PCSK5: variants seen among roughly 807,000 people sequenced by gnomAD.
The protein encoded by PCSK5 is proprotein convertase subtilisin/kexin type 5.
PCSK5 carries 129 observed loss-of-function variants against 233.2 expected under a neutral mutation model. The ratio of observed to expected loss-of-function variants is 0.55; its 90% CI spans 0.48 to 0.64. The LOEUF is 0.64. PCSK5 is among the 30% of genes least tolerant of loss of function. The pLI, the probability that PCSK5 is intolerant of heterozygous loss-of-function variation, is 0.00. For missense variants in PCSK5, 2,076 were observed against 2,430.1 expected, an observed-to-expected ratio of 0.85 and a Z score of 3.06; for synonymous variants, 825 against 879.2, an observed-to-expected ratio of 0.94 and a Z score of 1.09.
At chr9:75,968,961 C>T (rs1225417416) in intron 2 of PCSK5, among the ~76,000 whole-genome samples, 1 of 141,906 alleles carries the variant, frequency 7.0e-6, no homozygotes, top group Non-Finnish European at 1.5e-5. Context: ...CATTTGTGTT[C>T]ACTGGAATTG....
intron 5 of PCSK5, among the ~76,000 whole-genome samples, chr9:76,059,590 C>T (rs1347418623): frequency 6.6e-6 from 1 of 152,092 alleles, no homozygotes; most frequent in African/African-American, 2.4e-5. Context: ...GGCCAGTTTT[C>T]CCAGCACCAT....
intron 24 of PCSK5, among the ~76,000 whole-genome samples, chr9:76,290,531 C>A (rs1157108765): frequency 6.6e-6 from 1 of 152,202 alleles, no homozygotes; most frequent in Non-Finnish European, 1.5e-5. Context: ...GGCTCTTGTT[C>A]AACTCTTCCA....
At chr9:76,224,260 T>A (rs1231039646) in intron 20 of PCSK5, among the ~76,000 whole-genome samples, 2 of 152,104 alleles carry the variant, frequency 1.3e-5, no homozygotes, top group African/African-American at 2.4e-5. Context: ...GAGGAAGAGA[T>A]TAAACACAGA....
chr9:76,039,147 C>T (rs573156780), intron 5 of PCSK5, among the ~76,000 whole-genome samples: 2 of 152,302 alleles, frequency 1.3e-5, no homozygotes, highest in South Asian at 4.1e-4. Context: ...ACTGTTTTTA[C>T]ATCAGTTCAT....
intron 9 of PCSK5, among the ~76,000 whole-genome samples, chr9:76,129,669 C>T (rs1822676686): frequency 6.6e-6 from 1 of 152,030 alleles, no homozygotes; most frequent in African/African-American, 2.4e-5. Flanking sequence ...TTCTAGCACT[C>T]ACACATGAAT....
chr9:76,179,627 C>A lies in PCSK5; in HGVS notation c.1932C>A (p.Gly644=). The A allele has an allele frequency of 6.2e-7, 1 of 1,613,762 alleles. No individual in the cohort carries two copies. The highest frequency in any genetic ancestry group is 8.5e-7 in the Non-Finnish European group (1 of 1,179,700). Residue 644 remains glycine (G), a synonymous_variant, in exon 15 of 38, where the codon GGC becomes GGA. Coordinates refer to ENST00000674117, the MANE Select transcript of PCSK5 (RefSeq NM_001372043.1). ...GCGACCCTGAGTGCAGTGAGGTTGG[C>A]TGTGACGGGCCAGGACCAGACCACT... is the stretch of plus-strand genomic sequence containing the variant. ...GPCDPECSEV[G]CDGPGPDHCN... is the part of the protein sequence containing the mutation.
upstream of PCSK5, among the ~76,000 whole-genome samples, chr9:75,890,111 T>A (rs141231686): frequency 6.6e-6 from 1 of 152,284 alleles, no homozygotes; most frequent in African/African-American, 2.4e-5. Flanking sequence ...ATTTCGAAAG[T>A]GAGCAGGCAA....
At position 76,208,594 on chromosome 9, in the gene PCSK5, C is replaced by T. The variant is rs542890289; in HGVS notation, c.2626+18848C>T. Among the ~76,000 whole-genome samples, 5 of 152,272 alleles carry T rather than the reference C, an allele frequency of 3.3e-5. No individual in the cohort carries two copies. In the South Asian group the frequency reaches 1.0e-3, roughly 32 times the overall value. On this transcript the variant is annotated intron_variant, in intron 20 of 37. Coordinates refer to ENST00000674117, the MANE Select transcript of PCSK5 (RefSeq NM_001372043.1). ...TTTTAGAGCCTCCCATTACAGTGAG[C>T]CATCATCTCCCTTGAACCTCTGTCA... is the stretch of plus-strand genomic sequence containing the variant.
intron 3 of PCSK5, among the ~76,000 whole-genome samples, chr9:76,002,152 A>T (rs902276529): frequency 6.6e-6 from 1 of 152,194 alleles, no homozygotes; most frequent in Admixed American, 6.5e-5. Context: ...GATAACAAGT[A>T]TGAAAAGGTT....
intron 15 of PCSK5, among the ~76,000 whole-genome samples, chr9:76,180,077 G>A (rs62556624): frequency 0.27 from 24,349 of 89,454 alleles, 2,246 homozygotes; most frequent in East Asian, 0.45. Context: ...ATATATATAT[G>A]TGTGTGTGTG....
intron 5 of PCSK5, among the ~76,000 whole-genome samples, chr9:76,031,836 T>C (rs369035857): frequency 3.3e-5 from 5 of 152,356 alleles, no homozygotes; most frequent in Non-Finnish European, 7.4e-5. Flanking sequence ...GATAAATAAC[T>C]AGTTAAAAAT....
At chr9:76,254,972 G>C (rs1319229283) in intron 24 of PCSK5, among the ~76,000 whole-genome samples, 1 of 152,176 alleles carries the variant, frequency 6.6e-6, no homozygotes, top group Admixed American at 6.5e-5. Flanking sequence ...TCTGGAGTGA[G>C]GTGTGGGCAT....
At chr9:75,892,117 C>T (rs977455879) in intron 1 of PCSK5, among the ~76,000 whole-genome samples, 5 of 152,056 alleles carry the variant, frequency 3.3e-5, no homozygotes, top group African/African-American at 1.2e-4. Context: ...TACCCCGGGA[C>T]GGAAGGTGCC....
intron 1 of PCSK5, among the ~76,000 whole-genome samples, chr9:75,918,463 T>C (rs1390750118): frequency 6.6e-6 from 1 of 152,230 alleles, no homozygotes; most frequent in African/African-American, 2.4e-5. Context: ...GGGCCACACT[T>C]TGAGAGCCAC....
chr9:76,157,432 A>C (rs1341228022), intron 11 of PCSK5, among the ~76,000 whole-genome samples: 1 of 149,312 alleles, frequency 6.7e-6, no homozygotes, highest in Non-Finnish European at 1.5e-5. Flanking sequence ...TCTACTGTCG[A>C]TATTTCTATT....
intron 22 of PCSK5, among the ~76,000 whole-genome samples, chr9:76,236,427 C>A (rs928526653): frequency 6.6e-6 from 1 of 152,198 alleles, no homozygotes; most frequent in Admixed American, 6.5e-5. Context: ...CCCATTTGAA[C>A]TCTTGTCGCC....
Position 76,163,515 on chromosome 9 carries a change from C to T in PCSK5, c.1619+4344C>T, listed in dbSNP as rs764287311. Among the ~76,000 whole-genome samples the T allele has an allele frequency of 7.2e-5, 11 of 152,176 alleles. No individual in the cohort carries two copies. In the South Asian group the frequency reaches 1.2e-3, roughly 17 times the overall value. ...CGTGGATCATTCAGTGGGTGTGTGC[C>T]GTGGGTCAATGGAGAAGTCCTAGAA... On this transcript the variant is annotated intron_variant, in intron 12 of 37. Transcript: ENST00000674117.
intron 1 of PCSK5, among the ~76,000 whole-genome samples, chr9:75,926,124 T>C (rs1823477456): frequency 6.6e-6 from 1 of 152,192 alleles, no homozygotes; most frequent in African/African-American, 2.4e-5. Context: ...AATTCTTTCA[T>C]TTCCCCATTC....
At chr9:75,946,559 C>G (rs1824577145) in intron 2 of PCSK5, among the ~76,000 whole-genome samples, 2 of 151,750 alleles carry the variant, frequency 1.3e-5, no homozygotes, top group Middle Eastern at 3.4e-3. Context: ...TCTTTCCAAA[C>G]TTTCTCCTTC....
Sources: gnomAD v4.1 joint callset for allele counts (sites outside exome capture counted in the v4.1 genomes callset) on GRCh38, gnomAD v4.1.1 for gene constraint, MANE v1.5 for transcripts, NCBI Gene and HGNC (gene_info 2026-07-23, HGNC 2026-07-21) for gene names.